Variants in SLC36A2 observed in about 807,000 individuals in gnomAD.
SLC36A2 encodes the protein solute carrier family 36 member 2.
A neutral mutation model predicts 42.7 loss-of-function variants in SLC36A2; 39 were observed. The ratio of observed to expected loss-of-function variants is 0.91; its 90% CI spans 0.71 to 1.19. SLC36A2 has a LOEUF of 1.19. Among genes scored for constraint, SLC36A2 ranks in the 50% most tolerant of loss-of-function variants. The probability of loss-of-function intolerance (pLI) is 0.00; values close to 1 mark genes in which losing one functional copy is unlikely to be tolerated. For synonymous variants in SLC36A2, 237 were observed against 240.8 expected (o/e 0.98, Z 0.15); for missense variants, 590 against 613.7 (o/e 0.96, Z 0.41).
chr5:151,343,675 G>A (rs1334891128), intron 2 of SLC36A2, 77 bp from the exon 3 acceptor site: 8 of 1,333,170 alleles, frequency 6.0e-6, no homozygotes, highest in Non-Finnish European at 8.6e-6. Flanking sequence ...GATGGGCTTG[G>A]TAGTGCTGAT....
In SLC36A2 at chr5:151,322,302, A is replaced by G. The variant is rs1380445571; in HGVS notation, c.1011-87T>C. ...GAACATTAACCTCTGACCTTGGGAC[A>G]ATGACTTGGGCTTTTGTTTCCCTTT... On this transcript the variant is annotated intron_variant, in intron 8 of 9. Coordinates refer to ENST00000335244, the MANE Select transcript of SLC36A2 (RefSeq NM_181776.3). 1.9e-5 allele frequency: 29 copies of G among 1,491,772 alleles called. No homozygotes were observed. In the Admixed American group the frequency reaches 5.1e-4, roughly 26 times the overall value. The allele number at this position is 1,491,772 out of a possible 1,614,324, so 92.4% of individuals were successfully genotyped here. A position where few individuals can be genotyped will look rare whatever the true frequency, so the allele number is the denominator to read the frequency against.
At chr5:151,336,459 C>CTTTT (rs769643262) in intron 5 of SLC36A2, among the ~76,000 whole-genome samples, 13 of 113,188 alleles carry the variant, frequency 1.1e-4, no homozygotes, top group South Asian at 3.0e-4. Context: ...TTCCCTCAAT[C>CTTTT]TTTTTTTTTT....
At chr5:151,322,243 C>G (rs749909709) in intron 8 of SLC36A2, 28 bp from the exon 9 acceptor site, 2 of 1,612,680 alleles carry the variant, frequency 1.2e-6, no homozygotes, top group Non-Finnish European at 1.7e-6. Flanking sequence ...GAGCTGCTCT[C>G]CACGGCCACT....
rs765463874 is a variant in SLC36A2, at chr5:151,322,082, C to T, written c.1144G>A (p.Asp382Asn). 6.2e-7 allele frequency: 1 copy of T among 1,614,178 alleles called. No homozygotes were observed. The highest frequency in any genetic ancestry group is 8.5e-7 in the Non-Finnish European group (1 of 1,180,020). The change falls in exon 9 of 10, where the codon GAT becomes AAT. Residue 382 changes from aspartate (D) to asparagine (N), a missense_variant. By Grantham distance (23) the Asp-to-Asn change is conservative. Transcript: ENST00000335244. ...RVSTRWALPLDLSIRLVMVCL... is the reference protein window; with the variant it reads ...RVSTRWALPLNLSIRLVMVCL... Reference sequence around the variant, plus strand: ...ACCATGACGAGGCGAATGGACAGATCCAGAGGCAGTGCCCAGCGTGTTGAC... The same window carrying T: ...ACCATGACGAGGCGAATGGACAGATTCAGAGGCAGTGCCCAGCGTGTTGAC...
chr5:151,328,525 C>T (rs765351346), intron 7 of SLC36A2, among the ~76,000 whole-genome samples: 24 of 152,164 alleles, frequency 1.6e-4, no homozygotes, highest in Admixed American at 1.1e-3. Context: ...TGGAGAGAAT[C>T]TCTATTTTTC....
chr5:151,339,031 C>G (rs1756242602), intron 5 of SLC36A2, 29 bp downstream of exon 5: 1 of 1,539,198 alleles, frequency 6.5e-7, no homozygotes, highest in Non-Finnish European at 9.0e-7. Flanking sequence ...TCCATCTTTT[C>G]CCCTCCCGTT....
intron 4 of SLC36A2, among the ~76,000 whole-genome samples, chr5:151,342,485 CCTT>C (rs1210379296): frequency 6.6e-6 from 1 of 152,148 alleles, no homozygotes; most frequent in Non-Finnish European, 1.5e-5. Flanking sequence ...GGCAACCAGC[CCTT>C]CTTTCCTTCA....
intron 5 of SLC36A2, chr5:151,338,726 A>T: frequency 4.2e-6 from 1 of 240,598 alleles, no homozygotes; most frequent in Non-Finnish European, 8.2e-6. Flanking sequence ...ACTAGGAATC[A>T]TCAAAAGAAG....
At chr5:151,329,406 T>G (rs796679470) in intron 7 of SLC36A2, among the ~76,000 whole-genome samples, 20 of 152,310 alleles carry the variant, frequency 1.3e-4, no homozygotes, top group African/African-American at 4.3e-4. Flanking sequence ...CAGTTTAAAA[T>G]TATTCAGCCT....
chr5:151,318,395 G>C (rs142971684), intron 9 of SLC36A2, among the ~76,000 whole-genome samples: 2,274 of 146,166 alleles, frequency 0.016, 25 homozygotes, highest in Middle Eastern at 0.035. Context: ...AAAATGCCTA[G>C]CATTTTAATA....
chr5:151,323,594 G>A (rs547694456), intron 8 of SLC36A2, among the ~76,000 whole-genome samples: 1 of 130,854 alleles, frequency 7.6e-6, no homozygotes, highest in Admixed American at 7.2e-5. Flanking sequence ...GGACTCAGGT[G>A]TACCAGAGTG....
rs1183988252 is a variant in SLC36A2, at chr5:151,322,190, A to G, written c.1036T>C (p.Tyr346His). 1.2e-6 allele frequency: 2 copies of G among 1,614,062 alleles called. No homozygotes were observed. The highest frequency in any genetic ancestry group is 1.7e-6 in the Non-Finnish European group (2 of 1,180,022). ...CWLYQSVKLL[Y>H]IAGILCTYAL... ...TAGGTGCACAGGATGCCGGCAATGT[A>G]GAGAAGCTTGACAGACTGGTACAGC... Residue 346 changes from tyrosine to histidine, a missense_variant, in exon 9 of 10, where the codon TAC (tyrosine) becomes CAC (histidine). Transcript: ENST00000335244.
At position 151,342,908 on chromosome 5, in the gene SLC36A2, C is replaced by A. The variant is rs1368688374; in HGVS notation, c.420G>T (p.Gln140His). 6.2e-7 allele frequency: 1 copy of A among 1,614,174 alleles called. No individual in the cohort carries two copies. The highest frequency in any genetic ancestry group is 8.5e-7 in the Non-Finnish European group (1 of 1,180,024). The stretch of plus-strand genomic sequence containing the variant: ...GTTACCTTCCCCAGTGAGCGTGATT[C>A]TGGAGCCAGGCGTTGGGGTTGGCTT... Reference protein sequence around the residue: ...GLEANPNAWLQNHAHWGRHIV... With the variant: ...GLEANPNAWLHNHAHWGRHIV... The change falls in exon 4 of 10, where the codon CAG becomes CAT. Residue 140 changes from glutamine to histidine, a missense_variant. Coordinates refer to ENST00000335244, the MANE Select transcript of SLC36A2 (RefSeq NM_181776.3).
chr5:151,323,687 C>T (rs1755765985), intron 8 of SLC36A2, among the ~76,000 whole-genome samples: 1 of 152,170 alleles, frequency 6.6e-6, no homozygotes, highest in Non-Finnish European at 1.5e-5. Context: ...CCTTGGAAAT[C>T]CCCAAGGCCT....
At chr5:151,333,462 G>A in intron 6 of SLC36A2, 140 bp from the exon 7 acceptor site, 1 of 716,908 alleles carries the variant, frequency 1.4e-6, no homozygotes, top group Non-Finnish European at 2.5e-6. Flanking sequence ...AGGGATGTAG[G>A]CCACGATCAA....
intron 7 of SLC36A2, among the ~76,000 whole-genome samples, chr5:151,325,770 G>A (rs1301718018): frequency 6.6e-6 from 1 of 152,154 alleles, no homozygotes; most frequent in Non-Finnish European, 1.5e-5. Flanking sequence ...AGTGAAATAA[G>A]CCAGTCACAA....
intron 7 of SLC36A2, among the ~76,000 whole-genome samples, chr5:151,326,693 TC>T (rs1398789431): frequency 2.6e-5 from 4 of 152,036 alleles, no homozygotes; most frequent in African/African-American, 4.8e-5. Flanking sequence ...GCTCTTATTG[TC>T]CTGGAGACCA....
intron 8 of SLC36A2, among the ~76,000 whole-genome samples, chr5:151,324,062 A>G (rs150145632): frequency 1.5e-3 from 234 of 152,316 alleles, no homozygotes; most frequent in African/African-American, 5.4e-3. Context: ...GTTGATGTCT[A>G]TGGGGCTGCT....
intron 9 of SLC36A2, among the ~76,000 whole-genome samples, chr5:151,320,094 T>TA (rs763029668): frequency 2.9e-4 from 43 of 150,862 alleles, no homozygotes; most frequent in Non-Finnish European, 4.1e-4. Context: ...TTTTTTCTAG[T>TA]AAAAAAAAGT....
Sources: allele counts gnomAD v4.1 joint callset (sites outside exome capture counted in the v4.1 genomes callset), GRCh38; gene constraint gnomAD v4.1.1; transcripts MANE v1.5; gene names NCBI Gene and HGNC (gene_info 2026-07-23, HGNC 2026-07-21).